The following SLC66A2 variants were observed in gnomAD, a reference collection of about 807,000 sequenced individuals.
SLC66A2 encodes solute carrier family 66 member 2.
Under a neutral mutation model 25.5 loss-of-function variants are expected in SLC66A2, and 23 were observed. The observed-to-expected ratio is 0.90, with a 90% confidence interval of 0.65 to 1.28. The LOEUF is 1.28. Ranked by LOEUF, SLC66A2 falls within the 50% of genes most tolerant of loss-of-function variation. SLC66A2 has a pLI of 0.00. For synonymous variants in SLC66A2, 193 were observed against 166.5 expected, an observed-to-expected ratio of 1.16 and a Z score of -1.23; for missense variants, 396 against 373.1, an observed-to-expected ratio of 1.06 and a Z score of -0.51.
intron 3 of SLC66A2, 79 bp from the exon 4 acceptor site, chr18:79,934,101 G>T: frequency 2.7e-6 from 3 of 1,091,810 alleles, no homozygotes; most frequent in Non-Finnish European, 4.1e-6. Context: ...GTAAACAGCT[G>T]TGTTCCCAGA....
chr18:79,908,631 G>A (rs533355270), intron 5 of SLC66A2, among the ~76,000 whole-genome samples: 87 of 152,060 alleles, frequency 5.7e-4, no homozygotes, highest in African/African-American at 2.1e-3. Flanking sequence ...TCTCCTCTGG[G>A]CTCAGATGAC....
At chr18:79,907,832 A>G (rs1383640065) in intron 5 of SLC66A2, among the ~76,000 whole-genome samples, 2 of 152,242 alleles carry the variant, frequency 1.3e-5, no homozygotes, top group South Asian at 4.1e-4. Context: ...TAAACATCCT[A>G]TAATACCAAG....
chr18:79,929,969 G>A (rs1986394780), intron 4 of SLC66A2, among the ~76,000 whole-genome samples: 1 of 152,152 alleles, frequency 6.6e-6, no homozygotes, highest in South Asian at 2.1e-4. Flanking sequence ...GGGATGACAG[G>A]AAAGGGCACC....
At chr18:79,920,247 G>T (rs113084457) in intron 4 of SLC66A2, among the ~76,000 whole-genome samples, 11 of 54,090 alleles carry the variant, frequency 2.0e-4, no homozygotes, top group African/African-American at 6.3e-4. Context: ...CGGAACCGAG[G>T]GAGAGGTCAG....
chr18:79,919,401 C>T lies in SLC66A2; in HGVS notation c.392-1G>A, dbSNP rs770741798. The T allele has an allele frequency of 2.5e-6, 4 of 1,612,052 alleles. No individual in the cohort carries two copies. Among genetic ancestry groups the T allele is most frequent in the Non-Finnish European group, 3.4e-6 (4 of 1,179,542 alleles). On this transcript the variant is annotated splice_acceptor_variant, in intron 4 of 5. Transcript: ENST00000397778. LOFTEE classifies it high-confidence loss of function. ...TGCCAGAAGTGGTGGGGGTCGAAGT[C>T]TAGGGCGAGAGGGAGAAGCAGCCTC...
In SLC66A2 at chr18:79,903,998, G is replaced by A; in HGVS notation, c.794C>T (p.Pro265Leu). 5 of 1,603,952 alleles carry A rather than the reference G, an allele frequency of 3.1e-6. No individual in the cohort carries two copies. The highest frequency in any genetic ancestry group is 4.2e-6 in the Non-Finnish European group (5 of 1,176,656). Residue 265 changes from proline to leucine, a missense_variant, in exon 6 of 6, where the codon CCC becomes CTC. Physicochemically the swap from Pro to Leu is moderately conservative, Grantham distance 98. Transcript: ENST00000397778. ...PQKPAPHAVH[P>L]TGTKAL ...CTGTCAGAGGGCCTTGGTGCCAGTG[G>A]GGTGCACGGCGTGGGGCGCCGGCTT...
In SLC66A2 at chr18:79,904,271, G is replaced by A; in HGVS notation, c.609-88C>T. On this transcript the variant is annotated intron_variant, in intron 5 of 5. Transcript: ENST00000397778. This position sits in a 1 kb window ranked among gnomAD's most constrained non-coding sequence, Gnocchi z 6.3. ...GGAGGCCTGGGGCTTAGACAGCGGG[G>A]AGACCTGGGGCTCAGGGGCACCCAG... 1 of 1,237,792 alleles carries A rather than the reference G, an allele frequency of 8.1e-7. No homozygotes were observed. Among genetic ancestry groups the A allele is most frequent in the Non-Finnish European group, 1.2e-6 (1 of 857,122 alleles). 76.7% of individuals were successfully genotyped at this position (1,237,792 alleles called of 1,614,324 possible). A position where few individuals can be genotyped will look rare whatever the true frequency, so the allele number is the denominator to read the frequency against.
chr18:79,911,195 C>T (rs1983059265), intron 5 of SLC66A2, among the ~76,000 whole-genome samples: 1 of 152,260 alleles, frequency 6.6e-6, no homozygotes, highest in Admixed American at 6.5e-5. Flanking sequence ...AGCCCAGGCC[C>T]ATTCGGAGCC....
chr18:79,928,412 A>G (rs1434200740), intron 4 of SLC66A2, among the ~76,000 whole-genome samples: 1 of 152,184 alleles, frequency 6.6e-6, no homozygotes, highest in Non-Finnish European at 1.5e-5. Flanking sequence ...GCTTCCAGCC[A>G]TCAGGGTTTC....
chr18:79,939,119 A>T (rs565439903), intron 3 of SLC66A2, among the ~76,000 whole-genome samples: 6 of 152,362 alleles, frequency 3.9e-5, no homozygotes, highest in African/African-American at 1.4e-4. Context: ...CTTTTATATT[A>T]ACTTTCAAAC....
rs900575922 is a variant in SLC66A2, at chr18:79,928,617, G to A, written c.391+5352C>T. On this transcript the variant is annotated intron_variant, in intron 4 of 5. Transcript: ENST00000397778. ...CAAGAAAACCACCTAAGTGGCAGCA[G>A]GAACAGCAACTTCGTGACACTTGGG... Among the ~76,000 whole-genome samples the A allele has an allele frequency of 2.6e-5, 4 of 152,170 alleles. 1 individual carries two copies. Among genetic ancestry groups the A allele is most frequent in the African/African-American group, 9.7e-5 (4 of 41,436 alleles).
chr18:79,915,011 A>C (rs372114842), intron 5 of SLC66A2, among the ~76,000 whole-genome samples: 1 of 152,218 alleles, frequency 6.6e-6, no homozygotes, highest in African/African-American at 2.4e-5. Flanking sequence ...CGTGCGGCAC[A>C]AAGGCTGGGC....
rs1191970090 is a variant in SLC66A2 at position 79,937,222 on chromosome 18, C to T, written c.338-3200G>A. 5.3e-5 allele frequency among the ~76,000 whole-genome samples: 8 copies of T among 152,136 alleles called. No individual in the cohort carries two copies. Among genetic ancestry groups the T allele is most frequent in the Non-Finnish European group, 5.9e-5 (4 of 68,022 alleles). ...CAGATACCAGAGCTCCTTGGAGAAACGACGGATTCTAGGTCTGGGGCAGGA... is the reference window on the plus strand; with the variant it reads ...CAGATACCAGAGCTCCTTGGAGAAATGACGGATTCTAGGTCTGGGGCAGGA... On this transcript the variant is annotated intron_variant, in intron 3 of 5. Transcript: ENST00000397778. This position sits in a 1 kb window ranked among gnomAD's most constrained non-coding sequence, Gnocchi z 5.4.
rs1984327540 is a variant in SLC66A2, at chr18:79,917,372, C to T, written c.608+1812G>A. The stretch of plus-strand genomic sequence containing the variant: ...CCTGTGAGGTCACACACGGCCAGCT[C>T]CTTGTGAGGGGCCAGGAGGCCGGCA... On this transcript the variant is annotated intron_variant, in intron 5 of 5. Coordinates refer to ENST00000397778, the MANE Select transcript of SLC66A2 (RefSeq NM_025078.5). This position sits in a 1 kb window ranked among gnomAD's most constrained non-coding sequence, Gnocchi z 6.0. Among the ~76,000 whole-genome samples, 1 of 152,234 alleles carries T rather than the reference C, an allele frequency of 6.6e-6. No homozygotes were observed. The highest frequency in any genetic ancestry group is 2.4e-5 in the African/African-American group (1 of 41,470).
chr18:79,904,990 A>C lies in SLC66A2; in HGVS notation c.609-807T>G, dbSNP rs1311199178. On this transcript the variant is annotated intron_variant, in intron 5 of 5. Transcript: ENST00000397778. This position sits in a 1 kb window ranked among gnomAD's most constrained non-coding sequence, Gnocchi z 6.3. ...CCCTGGGGCGTCCGTCCCGCTCATAAGCCAGGGTGGGCACCTGGGTGCCGT... is the reference window on the plus strand; with the variant it reads ...CCCTGGGGCGTCCGTCCCGCTCATACGCCAGGGTGGGCACCTGGGTGCCGT... Among the ~76,000 whole-genome samples the C allele has an allele frequency of 6.6e-6, 1 of 152,170 alleles. No homozygotes were observed. The highest frequency in any genetic ancestry group is 2.4e-5 in the African/African-American group (1 of 41,446).
rs924638686 is a variant in SLC66A2, at chr18:79,904,233, G to A, written c.609-50C>T. On this transcript the variant is annotated intron_variant, in intron 5 of 5. Coordinates refer to ENST00000397778, the MANE Select transcript of SLC66A2 (RefSeq NM_025078.5). This position sits in a 1 kb window ranked among gnomAD's most constrained non-coding sequence, Gnocchi z 6.3. ...AGCGGTGGGGAGGGCGGCGACCTGG[G>A]CTCAGTCAGTGGGGAGGCCTGGGGC... 1.9e-6 allele frequency: 3 copies of A among 1,543,804 alleles called. No individual in the cohort carries two copies. Among genetic ancestry groups the A allele is most frequent in the Non-Finnish European group, 2.7e-6 (3 of 1,119,564 alleles).
rs1294043093 is a variant in SLC66A2 at position 79,937,204 on chromosome 18, C to T, written c.338-3182G>A. Among the ~76,000 whole-genome samples, 2 of 152,136 alleles carry T rather than the reference C, an allele frequency of 1.3e-5. No homozygotes were observed. The highest frequency in any genetic ancestry group is 2.9e-5 in the Non-Finnish European group (2 of 68,032). On this transcript the variant is annotated intron_variant, in intron 3 of 5. Transcript: ENST00000397778. The surrounding 1 kb of genome is among the most constrained non-coding windows in gnomAD (Gnocchi z 5.4). Reference sequence around the variant, plus strand: ...TCTCCAAACACTGTGTCCCAGATACCAGAGCTCCTTGGAGAAACGACGGAT... The same window carrying T: ...TCTCCAAACACTGTGTCCCAGATACTAGAGCTCCTTGGAGAAACGACGGAT...
In SLC66A2 at chr18:79,951,643, G is replaced by A. The variant is rs531411102; in HGVS notation, c.-162C>T. 1 of 151,572 alleles carries A rather than the reference G, an allele frequency of 6.6e-6. No homozygotes were observed. Among genetic ancestry groups the A allele is most frequent in the Non-Finnish European group, 1.5e-5 (1 of 67,560 alleles). 9.4% of individuals were successfully genotyped at this position (151,572 alleles called of 1,614,324 possible). On this transcript the variant is annotated 5_prime_UTR_variant, in exon 1 of 6. Coordinates refer to ENST00000397778, the MANE Select transcript of SLC66A2 (RefSeq NM_025078.5). ...CGCGCCGCTGACCCGCGCGCGTCTC[G>A]GCGTCAGTCCGCTCAGGCGCCGGGA...
intron 4 of SLC66A2, among the ~76,000 whole-genome samples, chr18:79,933,717 C>A (rs1186839678): frequency 6.6e-6 from 1 of 152,206 alleles, no homozygotes; most frequent in Non-Finnish European, 1.5e-5. Context: ...CTCCTCCCTT[C>A]CTGTCTCCCT....
Sources: gnomAD v4.1 joint callset for allele counts (sites outside exome capture counted in the v4.1 genomes callset) on GRCh38, gnomAD v4.1.1 for gene constraint, Gnocchi (gnomAD v3.1) non-coding constraint, MANE v1.5 for transcripts, NCBI Gene and HGNC (gene_info 2026-07-23, HGNC 2026-07-21) for gene names.